FBLN7: variants seen among roughly 807,000 people sequenced by gnomAD.
FBLN7 encodes fibulin-7.
A neutral mutation model predicts 44.0 loss-of-function variants in FBLN7; 31 were observed. The ratio of observed to expected loss-of-function variants is 0.70; its 90% confidence interval spans 0.53 to 0.95. The LOEUF is 0.95. Among genes scored for constraint, FBLN7 ranks in the 40% least tolerant of loss-of-function variants. FBLN7 has a pLI of 0.00. For synonymous variants in FBLN7, 262 were observed against 253.4 expected, an observed-to-expected ratio of 1.03 and a Z score of -0.32; for missense variants, 573 against 618.5, an observed-to-expected ratio of 0.93 and a Z score of 0.78.
At chr2:112,238,334 T>A in the FBLN7 span, 1 of 1,613,672 alleles carries the variant, frequency 6.2e-7, no homozygotes, top group Non-Finnish European at 8.5e-7. Flanking sequence ...TATCTTTTAC[T>A]CCTTCTTTCT....
rs1315727431 is a variant in FBLN7, at chr2:112,187,820, A to C, written c.*314A>C. 2.3e-5 allele frequency: 11 copies of C among 477,674 alleles called. No homozygotes were observed. Among genetic ancestry groups the C allele is most frequent in the Middle Eastern group, 5.4e-4 (1 of 1,856 alleles). The allele number at this position is 477,674 out of a possible 1,614,324, so 29.6% of individuals were successfully genotyped here. Reference sequence around the variant, plus strand: ...AAAATGCTGTGCAAATGGCCTTGTGAGTTTGAACTAGCTGGGGAGAGAAAA... The same window carrying C: ...AAAATGCTGTGCAAATGGCCTTGTGCGTTTGAACTAGCTGGGGAGAGAAAA... On this transcript the variant is annotated 3_prime_UTR_variant, in exon 8 of 8. Coordinates refer to ENST00000331203, the MANE Select transcript of FBLN7 (RefSeq NM_153214.3). This position sits in a 1 kb window ranked among gnomAD's most constrained non-coding sequence, Gnocchi z 5.1.
At chr2:112,169,225 A>G (rs111977858) in intron 3 of FBLN7, among the ~76,000 whole-genome samples, 61 of 152,328 alleles carry the variant, frequency 4.0e-4, no homozygotes, top group African/African-American at 7.2e-4. Flanking sequence ...GTGAGCCGAA[A>G]TCACACCACT....
chr2:112,150,614 A>T (rs1308635245), intron 1 of FBLN7, among the ~76,000 whole-genome samples: 1 of 152,136 alleles, frequency 6.6e-6, no homozygotes. Flanking sequence ...GCAGCGTAGC[A>T]CGTGGTGAAG....
the FBLN7 span, among the ~76,000 whole-genome samples, chr2:112,241,905 T>A: frequency 6.6e-6 from 1 of 152,188 alleles, no homozygotes; most frequent in African/African-American, 2.4e-5. Flanking sequence ...TTAAAAAACT[T>A]GAAAAGGGGT....
At chr2:112,142,768 T>TGTGTG in intron 1 of FBLN7, among the ~76,000 whole-genome samples, 1 of 151,452 alleles carries the variant, frequency 6.6e-6, no homozygotes, top group African/African-American at 2.4e-5. Context: ...ATGTGTGTGT[T>TGTGTG]TGTGTGTGTG....
intron 1 of FBLN7, 104 bp downstream of exon 1, chr2:112,138,834 TCC>T (rs1216107664): frequency 3.0e-6 from 1 of 337,870 alleles, no homozygotes; most frequent in Non-Finnish European, 3.6e-6. Context: ...CCCGCCTCTC[TCC>T]CCTGTCCCTC....
the FBLN7 span, among the ~76,000 whole-genome samples, chr2:112,227,831 G>A: frequency 2.6e-5 from 4 of 151,204 alleles, no homozygotes; most frequent in Admixed American, 1.3e-4. Flanking sequence ...TAAATAAATG[G>A]AGAGACATTC....
Position 112,159,977 on chromosome 2 carries a change from TA to T in FBLN7, c.235+143del, listed in dbSNP as rs1191333474. ...CTTCCAACTGTGGCCCCCCCTTTTT[TA>T]TTTATTATTTATTTATTTATTTATT... On this transcript the variant is annotated intron_variant, in intron 2 of 7. Transcript: ENST00000331203. 3 of 556,108 alleles carry T rather than the reference TA, an allele frequency of 5.4e-6. No homozygotes were observed. In the East Asian group the frequency reaches 1.1e-4, roughly 20 times the overall value. The allele number at this position is 556,108 out of a possible 1,614,324, so 34.4% of individuals were successfully genotyped here.
Position 112,181,809 on chromosome 2 carries a change from G to A in FBLN7, c.603G>A (p.Arg201=), listed in dbSNP as rs1034666493. The change falls in exon 5 of 8, where the codon CGG becomes CGA. Residue 201 remains arginine, a synonymous_variant. Transcript: ENST00000331203. ...CGCCGCGCTGTGCGCAGGTGGAGCG[G>A]GCTCAGCACTGCAGCTGCGAGGCCG... The part of the protein sequence containing the change: ...SRAPRCAQVE[R]AQHCSCEAGF... The A allele has an allele frequency of 5.1e-5, 76 of 1,503,612 alleles. No individual in the cohort carries two copies. Among genetic ancestry groups the A allele is most frequent in the Non-Finnish European group, 6.1e-5 (69 of 1,133,492 alleles). 93.1% of individuals were successfully genotyped at this position (1,503,612 alleles called of 1,614,324 possible).
rs147631954 is a variant in FBLN7 at position 112,140,514 on chromosome 2, G to A, written c.75+1784G>A. Among the ~76,000 whole-genome samples the A allele has an allele frequency of 1.1e-3, 162 of 152,254 alleles. 1 individual carries two copies. The highest frequency in any genetic ancestry group is 1.9e-3 in the South Asian group (9 of 4,818). ...CCCCACCTGTCACCTCAGATGCATC[G>A]CTGGCCGGGCCCCTGGGAGGACCCG... On this transcript the variant is annotated intron_variant, in intron 1 of 7. Coordinates refer to ENST00000331203, the MANE Select transcript of FBLN7 (RefSeq NM_153214.3).
At chr2:112,179,837 A>G (rs1007428365) in intron 4 of FBLN7, among the ~76,000 whole-genome samples, 4 of 152,194 alleles carry the variant, frequency 2.6e-5, no homozygotes, top group African/African-American at 9.7e-5. Context: ...ACAAAAATCA[A>G]CTCAAGATGG....
intron 2 of FBLN7, among the ~76,000 whole-genome samples, chr2:112,163,935 G>C (rs1176771361): frequency 1.3e-5 from 2 of 152,164 alleles, no homozygotes; most frequent in Non-Finnish European, 2.9e-5. Flanking sequence ...TGTTTGACCA[G>C]CTGTCCCTCT....
chr2:112,149,165 C>T (rs1186797058), intron 1 of FBLN7, among the ~76,000 whole-genome samples: 1 of 151,378 alleles, frequency 6.6e-6, no homozygotes, highest in African/African-American at 2.4e-5. Context: ...ATGAGATCTA[C>T]ATCCTGTCAA....
the FBLN7 span, among the ~76,000 whole-genome samples, chr2:112,239,198 G>A: frequency 6.6e-6 from 1 of 152,342 alleles, no homozygotes; most frequent in African/African-American, 2.4e-5. Context: ...AATCCTAGAG[G>A]AGCCCAGGCT....
chr2:112,193,751 G>A, the FBLN7 span, among the ~76,000 whole-genome samples: 1 of 152,124 alleles, frequency 6.6e-6, no homozygotes, highest in Non-Finnish European at 1.5e-5. Flanking sequence ...TTGGCCTTAG[G>A]ACTCAGAATC....
chr2:112,170,805 CAAGA>C (rs1343413740), intron 3 of FBLN7, among the ~76,000 whole-genome samples: 1 of 152,172 alleles, frequency 6.6e-6, no homozygotes, highest in Non-Finnish European at 1.5e-5. Context: ...TTGGAGATGA[CAAGA>C]ATGGAAGCTG....
At chr2:112,177,772 C>T (rs764341679) in intron 4 of FBLN7, 1 of 152,164 alleles carries the variant, frequency 6.6e-6, no homozygotes, top group African/African-American at 2.4e-5. Context: ...GCTCTAGGGA[C>T]CTCATCTAAG....
At chr2:112,201,321 C>T in the FBLN7 span, among the ~76,000 whole-genome samples, 4 of 152,354 alleles carry the variant, frequency 2.6e-5, no homozygotes, top group South Asian at 2.1e-4. Flanking sequence ...CGTGCAGCTC[C>T]CACACCACAG....
At chr2:112,238,375 C>A in the FBLN7 span, 1 of 1,613,682 alleles carries the variant, frequency 6.2e-7, no homozygotes, top group Non-Finnish European at 8.5e-7. Flanking sequence ...GCAGCATTTG[C>A]CATTTCTCTG....
Sources: gnomAD v4.1 joint callset for allele counts (sites outside exome capture counted in the v4.1 genomes callset) on GRCh38, gnomAD v4.1.1 for gene constraint, Gnocchi (gnomAD v3.1) non-coding constraint, MANE v1.5 for transcripts, NCBI Gene and HGNC (gene_info 2026-07-23, HGNC 2026-07-21) for gene names.